The following PLEKHA2 variants were observed in gnomAD, a reference collection of about 807,000 sequenced individuals.
PLEKHA2 encodes the protein pleckstrin homology domain containing A2.
Under a neutral mutation model 53.2 loss-of-function variants are expected in PLEKHA2, and 28 were observed. The ratio of observed to expected loss-of-function variants is 0.53; its 90% CI spans 0.39 to 0.72. The LOEUF is 0.72. Ranked by LOEUF, PLEKHA2 falls within the 30% of genes least tolerant of loss-of-function variation. The probability of loss-of-function intolerance (pLI) is 0.00; values close to 1 mark genes in which losing one functional copy is unlikely to be tolerated. For missense variants in PLEKHA2, 426 were observed against 537.9 expected (o/e 0.79, Z 2.06); for synonymous variants, 193 against 196.4 (o/e 0.98, Z 0.14).
chr8:38,933,170 G>T (rs1241032848), intron 2 of PLEKHA2, among the ~76,000 whole-genome samples: 1 of 152,134 alleles, frequency 6.6e-6, no homozygotes, highest in Non-Finnish European at 1.5e-5. Context: ...GTGGTTTGGG[G>T]TGAGGAGAGT....
intron 4 of PLEKHA2, 82 bp downstream of exon 4, chr8:38,943,919 C>A: frequency 1.7e-6 from 2 of 1,183,356 alleles, no homozygotes; most frequent in East Asian, 2.6e-5. Context: ...CCTGTGATCA[C>A]ATGTGACTAT....
At chr8:38,951,652 C>T (rs1331670623) in intron 6 of PLEKHA2, among the ~76,000 whole-genome samples, 1 of 151,560 alleles carries the variant, frequency 6.6e-6, no homozygotes, top group Admixed American at 6.6e-5. Flanking sequence ...GCATGTGCCA[C>T]CACGCCTGGC....
chr8:38,921,657 C>T (rs1340475310), intron 2 of PLEKHA2, among the ~76,000 whole-genome samples: 1 of 152,236 alleles, frequency 6.6e-6, no homozygotes, highest in East Asian at 1.9e-4. Context: ...TTACTCTTTC[C>T]TGCTAGCTGA....
chr8:38,968,731 A>G, intron 11 of PLEKHA2, 62 bp downstream of exon 11: 5 of 1,576,052 alleles, frequency 3.2e-6, no homozygotes, highest in Non-Finnish European at 4.4e-6. Context: ...TCAAGCAGGC[A>G]TGTTTTATTT....
chr8:38,962,710 T>C lies in PLEKHA2; in HGVS notation c.837+5324T>C, dbSNP rs370275081. Among the ~76,000 whole-genome samples the C allele has an allele frequency of 2.0e-5, 3 of 152,234 alleles. No homozygotes were observed. The East Asian group carries it at 5.8e-4, about 29-fold the overall frequency. ...AGTTTATCAAGAGGGAAATTAGTTA[T>C]TCGAAATGAGAAATGTGGTGCAAAC... On this transcript the variant is annotated intron_variant, in intron 10 of 11. Transcript: ENST00000617275.
intron 2 of PLEKHA2, among the ~76,000 whole-genome samples, chr8:38,925,580 A>C (rs568997937): frequency 1.3e-3 from 191 of 152,338 alleles, no homozygotes; most frequent in African/African-American, 4.5e-3. Flanking sequence ...AAATAACCAA[A>C]AAGATTGCAT....
chr8:38,944,160 T>C (rs982704572), intron 4 of PLEKHA2, among the ~76,000 whole-genome samples: 2 of 152,056 alleles, frequency 1.3e-5, no homozygotes, highest in Non-Finnish European at 1.5e-5. Flanking sequence ...AATTAGCATA[T>C]CTATATTAGT....
At position 38,922,178 on chromosome 8, in the gene PLEKHA2, G is replaced by A. The variant is rs1032782952; in HGVS notation, c.141+4108G>A. Among the ~76,000 whole-genome samples, 6 of 152,162 alleles carry A rather than the reference G, an allele frequency of 3.9e-5. No homozygotes were observed. Among genetic ancestry groups the A allele is most frequent in the Admixed American group, 1.3e-4 (2 of 15,278 alleles). ...CATTATTGCTGATAATGAGACAGGC[G>A]TCTAAGGGTGACTTGGAGGATGAAG... On this transcript the variant is annotated intron_variant, in intron 2 of 11. Coordinates refer to ENST00000617275, the MANE Select transcript of PLEKHA2 (RefSeq NM_021623.2). This position sits in a 1 kb window ranked among gnomAD's most constrained non-coding sequence, Gnocchi z 4.0.
rs147299588 is a variant in PLEKHA2, at chr8:38,938,857, C to T, written c.198+2807C>T. On this transcript the variant is annotated intron_variant, in intron 3 of 11. Coordinates refer to ENST00000617275, the MANE Select transcript of PLEKHA2 (RefSeq NM_021623.2). ...TTCATGAGAGGAGGTGAAGCCACCA[C>T]GTCTCCATGATAAGTTAGATTTCCT... Among the ~76,000 whole-genome samples, 34 of 152,072 alleles carry T rather than the reference C, an allele frequency of 2.2e-4. No homozygotes were observed. The East Asian group carries it at 5.6e-3, about 25-fold the overall frequency.
chr8:38,908,390 T>A lies in PLEKHA2; in HGVS notation c.-24+6945T>A, dbSNP rs535839221. Among the ~76,000 whole-genome samples the A allele has an allele frequency of 3.3e-5, 5 of 152,322 alleles. No homozygotes were observed. The South Asian group carries it at 1.0e-3, about 32-fold the overall frequency. Reference sequence around the variant, plus strand: ...GAAACATTTATTTATTAGGTTTAGGTCTTTAAAACACCAAAAAGTTCCAAG... The same window carrying A: ...GAAACATTTATTTATTAGGTTTAGGACTTTAAAACACCAAAAAGTTCCAAG... On this transcript the variant is annotated intron_variant, in intron 1 of 11. Coordinates refer to ENST00000617275, the MANE Select transcript of PLEKHA2 (RefSeq NM_021623.2).
intron 10 of PLEKHA2, among the ~76,000 whole-genome samples, chr8:38,967,909 G>A (rs936031766): frequency 2.0e-5 from 3 of 152,042 alleles, no homozygotes; most frequent in Admixed American, 6.6e-5. Flanking sequence ...CAATCCACCC[G>A]CCTCGACCTC....
At chr8:38,938,479 C>G (rs1199827668) in intron 3 of PLEKHA2, among the ~76,000 whole-genome samples, 3 of 151,984 alleles carry the variant, frequency 2.0e-5, no homozygotes, top group Admixed American at 6.5e-5. Flanking sequence ...CAGAGGGGCC[C>G]CAGCTCCTCT....
chr8:38,918,120 G>A (rs778300781), intron 2 of PLEKHA2, 50 bp downstream of exon 2: 16 of 1,583,628 alleles, frequency 1.0e-5, no homozygotes, highest in Admixed American at 9.0e-5. Context: ...CCATCACTGC[G>A]CCAGAGGAAT....
At chr8:38,934,615 T>A (rs1834458009) in intron 2 of PLEKHA2, among the ~76,000 whole-genome samples, 2 of 152,138 alleles carry the variant, frequency 1.3e-5, no homozygotes, top group African/African-American at 2.4e-5. Flanking sequence ...GGCATGGGAC[T>A]GCCTTGGGTT....
chr8:38,919,667 T>G (rs1288773055), intron 2 of PLEKHA2, among the ~76,000 whole-genome samples: 1 of 152,236 alleles, frequency 6.6e-6, no homozygotes, highest in African/African-American at 2.4e-5. Flanking sequence ...GGCATTTGTC[T>G]TCTAGATTTG....
At chr8:38,920,124 A>G (rs539245442) in intron 2 of PLEKHA2, among the ~76,000 whole-genome samples, 2 of 152,118 alleles carry the variant, frequency 1.3e-5, no homozygotes, top group East Asian at 3.9e-4. Flanking sequence ...GGCATGTACC[A>G]CCATGCCCGG....
At chr8:38,963,600 C>T (rs1266054295) in intron 10 of PLEKHA2, among the ~76,000 whole-genome samples, 2 of 152,094 alleles carry the variant, frequency 1.3e-5, no homozygotes, top group African/African-American at 2.4e-5. Context: ...TAGGCCAGGC[C>T]TGGTGGCTCA....
At chr8:38,909,731 T>G (rs1833928646) in intron 1 of PLEKHA2, among the ~76,000 whole-genome samples, 1 of 152,162 alleles carries the variant, frequency 6.6e-6, no homozygotes, top group Non-Finnish European at 1.5e-5. Flanking sequence ...CTGCTTCTAG[T>G]CAACTGGCAG....
chr8:38,942,872 T>C (rs1293733110), intron 3 of PLEKHA2, among the ~76,000 whole-genome samples: 1 of 152,188 alleles, frequency 6.6e-6, no homozygotes, highest in Non-Finnish European at 1.5e-5. Context: ...TTTCTTGCCC[T>C]TCCCTGAGAT....
Sources: gnomAD v4.1 joint callset for allele counts (sites outside exome capture counted in the v4.1 genomes callset) on GRCh38, gnomAD v4.1.1 for gene constraint, Gnocchi (gnomAD v3.1) non-coding constraint, MANE v1.5 for transcripts, NCBI Gene and HGNC (gene_info 2026-07-23, HGNC 2026-07-21) for gene names.